Variants in MTSS1 observed in about 807,000 individuals in gnomAD.
The protein encoded by MTSS1 is MTSS I-BAR domain containing 1.
In MTSS1, 18 loss-of-function variants were observed where a neutral mutation model predicts 79.0. The observed-to-expected ratio is 0.23, with a 90% confidence interval of 0.16 to 0.34. The LOEUF is 0.34. MTSS1 is among the 10% of genes least tolerant of loss of function. MTSS1 has a pLI of 1.00. For synonymous variants in MTSS1, 341 were observed against 368.6 expected (o/e 0.93, Z 0.86); for missense variants, 815 against 986.2 (o/e 0.83, Z 2.33).
At chr8:124,658,171 C>T (rs889024424) in intron 3 of MTSS1, among the ~76,000 whole-genome samples, 3 of 152,164 alleles carry the variant, frequency 2.0e-5, no homozygotes, top group Non-Finnish European at 4.4e-5. Context: ...GCTCCATCCC[C>T]GCCCAAATCT....
chr8:124,588,158 T>G (rs1213002482), intron 5 of MTSS1, among the ~76,000 whole-genome samples: 1 of 152,196 alleles, frequency 6.6e-6, no homozygotes, highest in Admixed American at 6.5e-5. Context: ...TACTGATAGT[T>G]GCTGGGGACA....
chr8:124,663,246 T>C (rs1443214500), intron 3 of MTSS1, among the ~76,000 whole-genome samples: 1 of 152,174 alleles, frequency 6.6e-6, no homozygotes, highest in Non-Finnish European at 1.5e-5. Context: ...CTAAACCTCA[T>C]GCTAAGACAG....
intron 5 of MTSS1, among the ~76,000 whole-genome samples, chr8:124,587,497 T>C (rs1831067094): frequency 6.6e-6 from 1 of 152,198 alleles, no homozygotes; most frequent in South Asian, 2.1e-4. Context: ...AAAGATTATA[T>C]ATTAACTATT....
chr8:124,595,259 C>G (rs1457038315), intron 3 of MTSS1, among the ~76,000 whole-genome samples: 1 of 152,138 alleles, frequency 6.6e-6, no homozygotes, highest in Non-Finnish European at 1.5e-5. Context: ...TATTCGTTTC[C>G]CTTTGCTGCT....
chr8:124,689,990 A>T (rs2135203611), intron 3 of MTSS1, among the ~76,000 whole-genome samples: 1 of 152,248 alleles, frequency 6.6e-6, no homozygotes, highest in Non-Finnish European at 1.5e-5. Context: ...GCTTGTATAC[A>T]AAATGCACGG....
At chr8:124,654,948 T>C (rs1040168312) in intron 3 of MTSS1, among the ~76,000 whole-genome samples, 1 of 152,252 alleles carries the variant, frequency 6.6e-6, no homozygotes, top group South Asian at 2.1e-4. Context: ...AGTTTTCCAA[T>C]GCCGAAACTT....
intron 3 of MTSS1, among the ~76,000 whole-genome samples, chr8:124,677,971 T>C (rs1019266521): frequency 2.0e-5 from 3 of 152,262 alleles, no homozygotes; most frequent in African/African-American, 4.8e-5. Context: ...ACTCACTAGA[T>C]GCCTCTAACG....
chr8:124,580,613 A>C, intron 6 of MTSS1: 1 of 1,530,628 alleles, frequency 6.5e-7, no homozygotes, highest in Non-Finnish European at 8.8e-7. Flanking sequence ...ATTGACACAA[A>C]AAGGAAAATA....
chr8:124,577,204 T>G (rs1829129979), intron 6 of MTSS1, among the ~76,000 whole-genome samples: 1 of 152,220 alleles, frequency 6.6e-6, no homozygotes. Flanking sequence ...TAGCCCGGCC[T>G]CTGAAGGCTA....
At chr8:124,652,512 C>T (rs965160162) in intron 3 of MTSS1, among the ~76,000 whole-genome samples, 1 of 151,928 alleles carries the variant, frequency 6.6e-6, no homozygotes, top group East Asian at 1.9e-4. Context: ...AAATACAAAA[C>T]AAGCCACAAT....
intron 3 of MTSS1, among the ~76,000 whole-genome samples, chr8:124,600,040 CA>C (rs1175089825): frequency 8.9e-4 from 80 of 89,386 alleles, no homozygotes; most frequent in Non-Finnish European, 9.7e-4. Context: ...GGTTGTACTA[CA>C]AAAAAAAAAA....
chr8:124,725,092 G>A (rs1348325413), intron 1 of MTSS1, among the ~76,000 whole-genome samples: 2 of 152,152 alleles, frequency 1.3e-5, no homozygotes, highest in Non-Finnish European at 2.9e-5. Context: ...AAACCACCAG[G>A]CTTCCTCTCG....
At chr8:124,645,249 G>C (rs1818793799) in intron 3 of MTSS1, among the ~76,000 whole-genome samples, 1 of 152,082 alleles carries the variant, frequency 6.6e-6, no homozygotes, top group African/African-American at 2.4e-5. Context: ...CAATTAGCCA[G>C]CATGGTGGCG....
chr8:124,654,291 C>CA (rs1446126550), intron 3 of MTSS1, among the ~76,000 whole-genome samples: 1 of 152,200 alleles, frequency 6.6e-6, no homozygotes, highest in Non-Finnish European at 1.5e-5. Context: ...CGTCTTCGCT[C>CA]ATCCAGTGTT....
chr8:124,659,311 C>A (rs1052844225), intron 3 of MTSS1, among the ~76,000 whole-genome samples: 11 of 152,188 alleles, frequency 7.2e-5, no homozygotes, highest in Non-Finnish European at 1.2e-4. Flanking sequence ...AGTTCACATT[C>A]TGTGTATCTG....
chr8:124,644,248 AT>A (rs1338579533), intron 3 of MTSS1, among the ~76,000 whole-genome samples: 2 of 152,198 alleles, frequency 1.3e-5, no homozygotes, highest in African/African-American at 4.8e-5. Flanking sequence ...ATTCTGTAGC[AT>A]TTTGGTTTCC....
At position 124,699,507 on chromosome 8, in the gene MTSS1, T is replaced by C; in HGVS notation, c.208+19A>G. 2 of 1,612,952 alleles carry C rather than the reference T, an allele frequency of 1.2e-6. No homozygotes were observed. The highest frequency in any genetic ancestry group is 1.7e-6 in the Non-Finnish European group (2 of 1,179,108). On this transcript the variant is annotated intron_variant, in intron 3 of 13. Coordinates refer to ENST00000518547, the MANE Select transcript of MTSS1 (RefSeq NM_014751.6). ...TGCAGAATGCAGTTAACACTGGGAG[T>C]CAGCCTCCATCTGCTTACCACGTGT...
At chr8:124,615,733 T>C (rs1051354354) in intron 3 of MTSS1, among the ~76,000 whole-genome samples, 1 of 152,220 alleles carries the variant, frequency 6.6e-6, no homozygotes, top group African/African-American at 2.4e-5. Flanking sequence ...ATTAAAATTT[T>C]TTTAAAAACC....
At chr8:124,603,181 A>G (rs1834224029) in intron 3 of MTSS1, among the ~76,000 whole-genome samples, 2 of 151,678 alleles carry the variant, frequency 1.3e-5, no homozygotes, top group Admixed American at 6.6e-5. Flanking sequence ...GTGCGCCACC[A>G]CTCCTGGCTA....
Sources: allele counts gnomAD v4.1 joint callset (sites outside exome capture counted in the v4.1 genomes callset), GRCh38; gene constraint gnomAD v4.1.1; transcripts MANE v1.5; gene names NCBI Gene and HGNC (gene_info 2026-07-23, HGNC 2026-07-21).